DACH1: variants seen among roughly 807,000 people sequenced by gnomAD.
The protein encoded by DACH1 is dachshund family transcription factor 1.
A neutral mutation model predicts 54.2 loss-of-function variants in DACH1; 12 were observed. The observed-to-expected ratio is 0.22, with a 90% CI of 0.14 to 0.36. The LOEUF (loss-of-function observed/expected upper bound fraction) is 0.36. Ranked by LOEUF, DACH1 falls within the 10% of genes least tolerant of loss-of-function variation. The probability of loss-of-function intolerance (pLI) is 1.00; values close to 1 mark genes in which losing one functional copy is unlikely to be tolerated. For synonymous variants in DACH1, 386 were observed against 366.2 expected (o/e 1.05, Z -0.62); for missense variants, 805 against 929.8 (o/e 0.87, Z 1.75).
intron 1 of DACH1, among the ~76,000 whole-genome samples, chr13:71,701,215 A>C (rs2087823753): frequency 6.6e-6 from 1 of 152,178 alleles, no homozygotes; most frequent in Non-Finnish European, 1.5e-5. Flanking sequence ...GTTCATATAT[A>C]TGTACTAAGC....
chr13:71,463,766 C>G (rs1288119386), intron 10 of DACH1, among the ~76,000 whole-genome samples: 1 of 151,964 alleles, frequency 6.6e-6, no homozygotes, highest in African/African-American at 2.4e-5. Context: ...ACTGCTGTGT[C>G]AAAAACAATC....
At chr13:71,861,695 G>A (rs1206229074) in intron 1 of DACH1, among the ~76,000 whole-genome samples, 1 of 151,706 alleles carries the variant, frequency 6.6e-6, no homozygotes, top group Admixed American at 6.6e-5. Flanking sequence ...ACTGTAATAC[G>A]AAAACTTCAA....
intron 3 of DACH1, among the ~76,000 whole-genome samples, chr13:71,584,702 G>T (rs1359256484): frequency 6.6e-6 from 1 of 151,792 alleles, no homozygotes; most frequent in Non-Finnish European, 1.5e-5. Flanking sequence ...TTAATTATGT[G>T]CATTTATTCA....
At chr13:71,655,910 A>T (rs1594054893) in intron 2 of DACH1, among the ~76,000 whole-genome samples, 2 of 152,332 alleles carry the variant, frequency 1.3e-5, no homozygotes, top group East Asian at 3.9e-4. Flanking sequence ...AAGAAGAAAA[A>T]GTTATTAAAG....
chr13:71,649,262 A>G (rs1878506656), intron 2 of DACH1, among the ~76,000 whole-genome samples: 1 of 152,170 alleles, frequency 6.6e-6, no homozygotes, highest in Non-Finnish European at 1.5e-5. Context: ...TTGTGTAAGT[A>G]CGCTCAACGA....
chr13:71,675,263 C>T (rs1282082451), intron 2 of DACH1: 3 of 1,586,420 alleles, frequency 1.9e-6, no homozygotes, highest in Non-Finnish European at 2.6e-6. Flanking sequence ...CGCAGACTTC[C>T]CTTCCAGAGT....
At chr13:71,594,403 C>T (rs986523831) in intron 3 of DACH1, among the ~76,000 whole-genome samples, 2 of 151,960 alleles carry the variant, frequency 1.3e-5, no homozygotes, top group Non-Finnish European at 2.9e-5. Context: ...TAAGGAAACA[C>T]CATTTTACTT....
chr13:71,532,499 T>C (rs1052712655), intron 6 of DACH1, among the ~76,000 whole-genome samples: 17 of 152,056 alleles, frequency 1.1e-4, no homozygotes, highest in Admixed American at 5.2e-4. Context: ...CTGGAAAATA[T>C]TTATGAAAAT....
chr13:71,704,741 C>T (rs966956630), intron 1 of DACH1: 2 of 163,082 alleles, frequency 1.2e-5, no homozygotes. Flanking sequence ...TCCCCTCCCC[C>T]CAAGAAATAT....
chr13:71,643,335 T>G (rs1415695119), intron 2 of DACH1, among the ~76,000 whole-genome samples: 4 of 152,210 alleles, frequency 2.6e-5, no homozygotes, highest in Non-Finnish European at 5.9e-5. Context: ...ACTCTTACCA[T>G]ACATCTTTCT....
intron 2 of DACH1, among the ~76,000 whole-genome samples, chr13:71,635,175 T>C (rs1434799562): frequency 6.6e-6 from 1 of 152,180 alleles, no homozygotes; most frequent in African/African-American, 2.4e-5. Flanking sequence ...TGGAAAGTAA[T>C]TTAAAACATT....
In DACH1 at chr13:71,630,520, G is replaced by T. The variant is rs370741776; in HGVS notation, c.1126+36C>A. The T allele has an allele frequency of 2.6e-5, 40 of 1,527,948 alleles. No individual in the cohort carries two copies. In the African/African-American group the frequency reaches 4.6e-4, roughly 18 times the overall value. The allele number at this position is 1,527,948 out of a possible 1,614,324, so 94.6% of individuals were successfully genotyped here. The stretch of plus-strand genomic sequence containing the variant: ...GCATTTACTGTAATTCAGTAGCAAA[G>T]TGATCACAATAAGTTTCAGCGAACA... On this transcript the variant is annotated intron_variant, in intron 3 of 10. Coordinates refer to ENST00000613252, the MANE Select transcript of DACH1 (RefSeq NM_080759.6).
intron 7 of DACH1, among the ~76,000 whole-genome samples, chr13:71,483,806 C>T (rs1184280963): frequency 6.6e-6 from 1 of 151,994 alleles, no homozygotes; most frequent in African/African-American, 2.4e-5. Context: ...CACACAAATA[C>T]TTGCTATTGT....
intron 2 of DACH1, among the ~76,000 whole-genome samples, chr13:71,638,380 GT>G (rs1400385699): frequency 6.6e-6 from 1 of 152,120 alleles, no homozygotes; most frequent in African/African-American, 2.4e-5. Context: ...CGCAGTCCTG[GT>G]TCCTAACCAT....
intron 3 of DACH1, among the ~76,000 whole-genome samples, chr13:71,602,080 T>C (rs1417011282): frequency 6.6e-6 from 1 of 152,032 alleles, no homozygotes; most frequent in Non-Finnish European, 1.5e-5. Context: ...TATCAGGCTA[T>C]GGATACCTGA....
At chr13:71,630,213 G>C (rs1424849845) in intron 3 of DACH1, among the ~76,000 whole-genome samples, 4 of 151,928 alleles carry the variant, frequency 2.6e-5, no homozygotes, top group Non-Finnish European at 5.9e-5. Flanking sequence ...TAAAGTCTAG[G>C]GTTTCCTTTG....
chr13:71,701,978 A>G (rs1364583217), intron 1 of DACH1, among the ~76,000 whole-genome samples: 1 of 152,148 alleles, frequency 6.6e-6, no homozygotes, highest in African/African-American at 2.4e-5. Flanking sequence ...TGTGCATGGG[A>G]AAGCTTCAGT....
chr13:71,689,344 A>T (rs537489401), intron 1 of DACH1, among the ~76,000 whole-genome samples: 1 of 152,272 alleles, frequency 6.6e-6, no homozygotes, highest in African/African-American at 2.4e-5. Context: ...TATTTGACCA[A>T]ATTCTGTAAA....
chr13:71,818,869 T>C (rs569758031), intron 1 of DACH1, among the ~76,000 whole-genome samples: 16 of 152,310 alleles, frequency 1.1e-4, no homozygotes, highest in Admixed American at 6.5e-4. Flanking sequence ...ATTTTCAGTT[T>C]AGATTCTCAT....
Sources: gnomAD v4.1 joint callset for allele counts (sites outside exome capture counted in the v4.1 genomes callset) on GRCh38, gnomAD v4.1.1 for gene constraint, MANE v1.5 for transcripts, NCBI Gene and HGNC (gene_info 2026-07-23, HGNC 2026-07-21) for gene names.